The following BCAP29 variants were observed in gnomAD, a reference collection of about 807,000 sequenced individuals.
BCAP29 encodes the protein B-cell receptor-associated protein 29.
BCAP29 carries 34 observed loss-of-function variants against 31.8 expected under a neutral mutation model. The observed-to-expected ratio is 1.07, with a 90% CI of 0.81 to 1.42. The LOEUF is 1.42. Ranked by LOEUF, BCAP29 falls within the 40% of genes most tolerant of loss-of-function variation. BCAP29 has a pLI of 0.00. For missense variants in BCAP29, 314 were observed against 269.2 expected (o/e 1.17, Z -1.16); for synonymous variants, 104 against 91.3 (o/e 1.14, Z -0.79).
chr7:107,587,075 CACTA>C (rs745524756), intron 3 of BCAP29, among the ~76,000 whole-genome samples: 3 of 152,122 alleles, frequency 2.0e-5, no homozygotes, highest in African/African-American at 2.4e-5. Flanking sequence ...TTAGAGCCAA[CACTA>C]ACTGAGTGTG....
intron 3 of BCAP29, among the ~76,000 whole-genome samples, chr7:107,585,039 C>A (rs1175799188): frequency 2.0e-5 from 3 of 152,096 alleles, no homozygotes; most frequent in African/African-American, 7.2e-5. Context: ...TAGTAATCAC[C>A]ATGTTTTTCC....
intron 7 of BCAP29, among the ~76,000 whole-genome samples, chr7:107,617,268 G>A (rs892608233): frequency 2.6e-5 from 4 of 152,052 alleles, no homozygotes; most frequent in Non-Finnish European, 4.4e-5. Context: ...ATCATAAAAC[G>A]AAAGATCATT....
intron 1 of BCAP29, 158 bp downstream of exon 1, chr7:107,580,459 G>A: frequency 3.5e-6 from 1 of 287,448 alleles, no homozygotes; most frequent in African/African-American, 2.3e-5. Flanking sequence ...TTCTGGGAGC[G>A]GGAGGGCCGG....
chr7:107,621,708 C>T, downstream of BCAP29: 1 of 472,152 alleles, frequency 2.1e-6, no homozygotes, highest in South Asian at 1.5e-5. Context: ...GATGGAGCCG[C>T]AGCAAAGGAA....
chr7:107,600,356 C>A, intron 5 of BCAP29, 41 bp from the exon 6 acceptor site: 1 of 1,193,464 alleles, frequency 8.4e-7, no homozygotes. Context: ...CTGGCTATTG[C>A]AATCTAAGCT....
chr7:107,581,982 GA>G (rs1324864757), intron 2 of BCAP29, among the ~76,000 whole-genome samples: 1 of 152,128 alleles, frequency 6.6e-6, no homozygotes, highest in African/African-American at 2.4e-5. Flanking sequence ...ACAGATTCTA[GA>G]AAAAAATCTG....
chr7:107,605,393 A>AAGGG (rs1394093155), intron 6 of BCAP29, among the ~76,000 whole-genome samples: 1 of 152,188 alleles, frequency 6.6e-6, no homozygotes, highest in Non-Finnish European at 1.5e-5. Context: ...TATGTCCATA[A>AAGGG]AGGGATTCAT....
At chr7:107,582,775 C>G (rs1806934843) in intron 2 of BCAP29, among the ~76,000 whole-genome samples, 1 of 152,110 alleles carries the variant, frequency 6.6e-6, no homozygotes, top group Admixed American at 6.5e-5. Flanking sequence ...CCCTTTTACA[C>G]CACACCAAAC....
intron 2 of BCAP29, among the ~76,000 whole-genome samples, chr7:107,582,104 G>C (rs761385162): frequency 1.2e-4 from 19 of 152,158 alleles, no homozygotes; most frequent in Non-Finnish European, 2.1e-4. Flanking sequence ...TGCAATGATA[G>C]AATCCTATAT....
Position 107,612,429 on chromosome 7 carries a change from A to ATTTATT in BCAP29, c.590-902_590-901insTTATTT, listed in dbSNP as rs1468350185. Among the ~76,000 whole-genome samples the ATTTATT allele has an allele frequency of 5.7e-3, 172 of 30,106 alleles. 3 individuals are homozygous for ATTTATT. Among genetic ancestry groups the ATTTATT allele is most frequent in the African/African-American group, 0.019 (160 of 8,512 alleles). 19.8% of individuals were successfully genotyped at this position (30,106 alleles called of 152,430 possible). On this transcript the variant is annotated intron_variant, in intron 6 of 7. Coordinates refer to ENST00000005259, the MANE Select transcript of BCAP29 (RefSeq NM_018844.4). ...TATATATATATATATATATATATAT[A>ATTTATT]TATATATATATTTATTTTACTTCTA... is the stretch of plus-strand genomic sequence containing the variant.
At chr7:107,583,820 A>G in intron 2 of BCAP29, 62 bp from the exon 3 acceptor site, 1 of 775,160 alleles carries the variant, frequency 1.3e-6, no homozygotes, top group Non-Finnish European at 2.0e-6. Flanking sequence ...TCAGTATTTA[A>G]AAAGTATTTC....
intron 5 of BCAP29, 116 bp from the exon 6 acceptor site, chr7:107,600,281 A>G: frequency 1.4e-6 from 1 of 708,210 alleles, no homozygotes; most frequent in East Asian, 2.7e-5. Context: ...TCTGAAAAGG[A>G]CAAAGAATAA....
chr7:107,580,442 C>A, intron 1 of BCAP29, 141 bp downstream of exon 1: 1 of 266,444 alleles, frequency 3.8e-6, no homozygotes, highest in Non-Finnish European at 7.1e-6. Context: ...CGAGGGCCCG[C>A]GGCGCCTTCT....
intron 3 of BCAP29, among the ~76,000 whole-genome samples, chr7:107,586,191 G>A (rs960900651): frequency 3.3e-5 from 5 of 152,102 alleles, no homozygotes; most frequent in African/African-American, 1.2e-4. Context: ...TATGGACTCT[G>A]ATATTCTGTC....
chr7:107,609,995 A>T (rs968445773), intron 6 of BCAP29, among the ~76,000 whole-genome samples: 1 of 152,314 alleles, frequency 6.6e-6, no homozygotes, highest in East Asian at 1.9e-4. Flanking sequence ...CAGTGTTTCT[A>T]TCTCTGGTCG....
chr7:107,603,070 C>T (rs1471451029), intron 6 of BCAP29, among the ~76,000 whole-genome samples: 2 of 148,316 alleles, frequency 1.3e-5, no homozygotes, highest in African/African-American at 2.5e-5. Context: ...CCCGGGTTCA[C>T]GCCATTCTCC....
intron 7 of BCAP29, among the ~76,000 whole-genome samples, chr7:107,615,085 TA>T (rs747427304): frequency 2.1e-4 from 32 of 152,222 alleles, no homozygotes; most frequent in Admixed American, 8.5e-4. Flanking sequence ...AAACCAGAAG[TA>T]TGCCTTCAGT....
At chr7:107,621,979 A>T (rs935082002), downstream of BCAP29, 4 of 495,336 alleles carry the variant, frequency 8.1e-6, no homozygotes, top group Non-Finnish European at 4.2e-6. Context: ...GAAAACAGTT[A>T]CTCTTTAACA....
At chr7:107,609,078 A>G (rs1406583810) in intron 6 of BCAP29, among the ~76,000 whole-genome samples, 1 of 152,204 alleles carries the variant, frequency 6.6e-6, no homozygotes, top group Non-Finnish European at 1.5e-5. Flanking sequence ...AACACTGGAG[A>G]TCGACACTTT....
Sources: allele counts gnomAD v4.1 joint callset (sites outside exome capture counted in the v4.1 genomes callset), GRCh38; gene constraint gnomAD v4.1.1; transcripts MANE v1.5; gene names NCBI Gene and HGNC (gene_info 2026-07-23, HGNC 2026-07-21).